The following GRM1 variants were observed in gnomAD, a reference collection of about 807,000 sequenced individuals.
The protein encoded by GRM1 is metabotropic glutamate receptor 1.
GRM1 carries 33 observed loss-of-function variants against 90.9 expected under a neutral mutation model. The ratio of observed to expected loss-of-function variants is 0.36; its 90% CI spans 0.28 to 0.49. The LOEUF is 0.49. GRM1 is among the 20% of genes least tolerant of loss of function. The pLI is 0.99. For synonymous variants in GRM1, 700 were observed against 613.2 expected (o/e 1.14, Z -2.09); for missense variants, 1,190 against 1,534.3 (o/e 0.78, Z 3.75).
intron 1 of GRM1, among the ~76,000 whole-genome samples, chr6:146,124,607 G>C (rs1030486097): frequency 3.3e-5 from 5 of 151,996 alleles, no homozygotes; most frequent in Admixed American, 6.5e-5. Flanking sequence ...ACCTATTTCT[G>C]TGGCATAAGA....
At chr6:146,209,428 A>G (rs1216398913) in intron 2 of GRM1, among the ~76,000 whole-genome samples, 2 of 152,144 alleles carry the variant, frequency 1.3e-5, no homozygotes, top group Non-Finnish European at 2.9e-5. Context: ...TTCTGACTTC[A>G]TTCACTTTTT....
intron 3 of GRM1, among the ~76,000 whole-genome samples, chr6:146,324,781 G>A (rs914585593): frequency 1.3e-5 from 2 of 152,200 alleles, no homozygotes; most frequent in African/African-American, 4.8e-5. Context: ...CCAGTGAGAT[G>A]AGCCAGGTAC....
chr6:146,395,702 G>C (rs1369178181), intron 6 of GRM1, among the ~76,000 whole-genome samples: 2 of 152,114 alleles, frequency 1.3e-5, no homozygotes, highest in Non-Finnish European at 2.9e-5. Context: ...CTTTATACCA[G>C]TTTCTTTAAT....
intron 1 of GRM1, among the ~76,000 whole-genome samples, chr6:146,042,531 T>C (rs545107784): frequency 1.3e-5 from 2 of 152,126 alleles, no homozygotes; most frequent in South Asian, 4.2e-4. Flanking sequence ...ACAGAAGCCT[T>C]TTCTCTGCGT....
At chr6:146,089,525 A>G (rs1349162914) in intron 1 of GRM1, among the ~76,000 whole-genome samples, 2 of 152,108 alleles carry the variant, frequency 1.3e-5, no homozygotes, top group Non-Finnish European at 2.9e-5. Flanking sequence ...AGCAATAGAA[A>G]ATCAATACAA....
At chr6:146,257,351 T>A (rs1197709410) in intron 2 of GRM1, among the ~76,000 whole-genome samples, 1 of 151,948 alleles carries the variant, frequency 6.6e-6, no homozygotes, top group Non-Finnish European at 1.5e-5. Flanking sequence ...TAGCAGGGAG[T>A]CCTGTAGTTA....
chr6:146,068,677 A>G (rs1168591947), intron 1 of GRM1, among the ~76,000 whole-genome samples: 7 of 152,236 alleles, frequency 4.6e-5, no homozygotes, highest in Non-Finnish European at 8.8e-5. Context: ...CAGCCCATCC[A>G]GTTGAGAGTA....
At chr6:146,251,142 G>T (rs1405131494) in intron 2 of GRM1, among the ~76,000 whole-genome samples, 2 of 152,072 alleles carry the variant, frequency 1.3e-5, no homozygotes, top group Non-Finnish European at 2.9e-5. Flanking sequence ...CTTTCTAAAT[G>T]GGACCATTTA....
At chr6:146,157,464 T>C (rs1231666020) in intron 1 of GRM1, among the ~76,000 whole-genome samples, 1 of 152,178 alleles carries the variant, frequency 6.6e-6, no homozygotes, top group Admixed American at 6.5e-5. Context: ...AGTTTTTGTA[T>C]ATCAATTAGA....
chr6:146,299,577 C>G (rs956312407), intron 2 of GRM1, among the ~76,000 whole-genome samples: 1 of 152,182 alleles, frequency 6.6e-6, no homozygotes, highest in African/African-American at 2.4e-5. Context: ...TTCACTCTAG[C>G]TGTTAGAAAC....
chr6:146,071,596 T>G (rs754137723), intron 1 of GRM1, among the ~76,000 whole-genome samples: 60 of 152,138 alleles, frequency 3.9e-4, no homozygotes, highest in Non-Finnish European at 7.9e-4. Flanking sequence ...AATCTGTTAC[T>G]TTTTAGTTGT....
At chr6:146,322,675 A>G (rs528299128) in intron 3 of GRM1, among the ~76,000 whole-genome samples, 1 of 151,776 alleles carries the variant, frequency 6.6e-6, no homozygotes, top group Non-Finnish European at 1.5e-5. Flanking sequence ...ATATGTATAC[A>G]TGTGCCATGT....
intron 1 of GRM1, among the ~76,000 whole-genome samples, chr6:146,061,615 T>A (rs1463191978): frequency 6.6e-6 from 1 of 151,830 alleles, no homozygotes; most frequent in South Asian, 2.1e-4. Flanking sequence ...TTAAACAAAT[T>A]TACAAGAGAA....
rs1407119408 is a variant in GRM1 at position 146,262,372 on chromosome 6, A to G, written c.951-42239A>G. On this transcript the variant is annotated intron_variant, in intron 2 of 7. Transcript: ENST00000282753. ...AGATTTTCATCTCACAGCATATACC[A>G]AAAGTATCTTAAGTAAATTAAACTA... Among the ~76,000 whole-genome samples, 3 of 152,080 alleles carry G rather than the reference A, an allele frequency of 2.0e-5. No individual in the cohort carries two copies. The South Asian group carries it at 6.2e-4, about 31-fold the overall frequency.
At chr6:146,303,806 C>A (rs937491867) in intron 2 of GRM1, among the ~76,000 whole-genome samples, 2 of 152,118 alleles carry the variant, frequency 1.3e-5, no homozygotes, top group African/African-American at 2.4e-5. Flanking sequence ...GTCTTCTTTG[C>A]ATGTTTAGCT....
chr6:146,070,210 C>A (rs1775979182), intron 1 of GRM1, among the ~76,000 whole-genome samples: 1 of 151,872 alleles, frequency 6.6e-6, no homozygotes, highest in Non-Finnish European at 1.5e-5. Flanking sequence ...CAGTGGTGGT[C>A]ACCAACTCCA....
chr6:146,251,534 T>C (rs562565447), intron 2 of GRM1, among the ~76,000 whole-genome samples: 2 of 152,360 alleles, frequency 1.3e-5, no homozygotes, highest in African/African-American at 4.8e-5. Flanking sequence ...CCTTGCTATA[T>C]ATATCTGGCA....
chr6:146,276,603 A>G (rs897206625), intron 2 of GRM1, among the ~76,000 whole-genome samples: 6 of 152,300 alleles, frequency 3.9e-5, no homozygotes, highest in African/African-American at 1.4e-4. Context: ...AAAAATTAAC[A>G]GGCAAAAGAT....
At chr6:146,110,417 C>T (rs1260589488) in intron 1 of GRM1, among the ~76,000 whole-genome samples, 1 of 152,192 alleles carries the variant, frequency 6.6e-6, no homozygotes, top group Non-Finnish European at 1.5e-5. Context: ...CTTTCACCTT[C>T]CATCATGATT....
Sources: allele counts gnomAD v4.1 joint callset (sites outside exome capture counted in the v4.1 genomes callset), GRCh38; gene constraint gnomAD v4.1.1; transcripts MANE v1.5; gene names NCBI Gene and HGNC (gene_info 2026-07-23, HGNC 2026-07-21).